Variants in AK8 observed in about 807,000 individuals in gnomAD.
AK8 encodes the protein adenylate kinase 8.
AK8 carries 44 observed loss-of-function variants against 54.6 expected under a neutral mutation model. The observed-to-expected ratio is 0.81, with a 90% CI of 0.63 to 1.04. The LOEUF (loss-of-function observed/expected upper bound fraction) is 1.04. Among genes scored for constraint, AK8 ranks in the 50% least tolerant of loss-of-function variants. The pLI is 0.00. For missense variants in AK8, 555 were observed against 613.6 expected (o/e 0.90, Z 1.01); for synonymous variants, 239 against 245.6 (o/e 0.97, Z 0.25).
chr9:132,812,558 G>GCGCCCACTGGGATGACGGGTGAGCCGCCA (rs1841102280), intron 10 of AK8, among the ~76,000 whole-genome samples: 1 of 140,998 alleles, frequency 7.1e-6, no homozygotes, highest in Non-Finnish European at 1.6e-5. Flanking sequence ...GTGAGCCGCC[G>GCGCCCACTGGGATGACGGGTGAGCCGCCA]CGCCCGGCCG....
rs535507754 is a variant in AK8, at chr9:132,839,891, C to T, written c.403-11165G>A. On this transcript the variant is annotated intron_variant, in intron 5 of 12. Transcript: ENST00000298545. ...AGAGTGCAGTGGCGCGATCTCGGCT[C>T]ACCGCAACCTCTGCCTCCCGGGTTC... Among the ~76,000 whole-genome samples the T allele has an allele frequency of 2.6e-5, 4 of 151,336 alleles. No homozygotes were observed. The East Asian group carries it at 7.8e-4, about 30-fold the overall frequency.
chr9:132,792,051 C>T (rs1010564756), intron 11 of AK8, among the ~76,000 whole-genome samples: 9 of 152,216 alleles, frequency 5.9e-5, no homozygotes, highest in African/African-American at 1.9e-4. Context: ...TCTGCCAAAA[C>T]GCCAAGCAAT....
At chr9:132,851,972 T>C (rs1220711496) in intron 5 of AK8, among the ~76,000 whole-genome samples, 1 of 152,098 alleles carries the variant, frequency 6.6e-6, no homozygotes, top group Admixed American at 6.5e-5. Flanking sequence ...AATTAGCGGA[T>C]GAAAACTCGA....
Position 132,826,830 on chromosome 9 carries a change from G to A in AK8, c.757+24C>T, listed in dbSNP as rs1393413227. On this transcript the variant is annotated intron_variant, in intron 8 of 12. Coordinates refer to ENST00000298545, the MANE Select transcript of AK8 (RefSeq NM_152572.3). This position sits in a 1 kb window ranked among gnomAD's most constrained non-coding sequence, Gnocchi z 4.5. ...CCCCGCCCTTGGCCGTCTGTCCAGG[G>A]TGGGGCTGCCTGCTTGTGTTTACCC... 6.2e-7 allele frequency: 1 copy of A among 1,612,562 alleles called. No homozygotes were observed. Among genetic ancestry groups the A allele is most frequent in the Admixed American group, 1.7e-5 (1 of 60,022 alleles).
rs1841240161 is a variant in AK8, at chr9:132,814,727, AC to A, written c.890-1del. On this transcript the variant is annotated splice_acceptor_variant, in intron 9 of 12. Coordinates refer to ENST00000298545, the MANE Select transcript of AK8 (RefSeq NM_152572.3). LOFTEE classifies it high-confidence loss of function. Reference sequence around the variant, plus strand: ...CTCTTTCAGCAGTTGCCCACAGCAGACTGAAGGAGAGGGGAACAGAAAGACA... The same window carrying A: ...CTCTTTCAGCAGTTGCCCACAGCAGATGAAGGAGAGGGGAACAGAAAGACA... 6.2e-7 allele frequency: 1 copy of A among 1,613,268 alleles called. No homozygotes were observed. Among genetic ancestry groups the A allele is most frequent in the African/African-American group, 1.3e-5 (1 of 74,836 alleles).
At chr9:132,821,889 A>G (rs920738370) in intron 9 of AK8, among the ~76,000 whole-genome samples, 10 of 158 alleles carry the variant, frequency 0.063, no homozygotes, top group African/African-American at 0.14. Context: ...AAATATATAC[A>G]TATATGTGTA....
intron 5 of AK8, among the ~76,000 whole-genome samples, chr9:132,829,758 G>A (rs577831992): frequency 9.6e-4 from 146 of 152,076 alleles, no homozygotes; most frequent in Non-Finnish European, 1.6e-3. Context: ...GTCTTGCTAC[G>A]TTGCCTAGGC....
At chr9:132,736,168 G>A (rs1431086885) in intron 11 of AK8, among the ~76,000 whole-genome samples, 3 of 149,894 alleles carry the variant, frequency 2.0e-5, no homozygotes, top group South Asian at 2.1e-4. Flanking sequence ...CTGTACATAC[G>A]ATGAAATACT....
intron 1 of AK8, chr9:132,877,863 C>T: frequency 3.2e-6 from 2 of 632,530 alleles, no homozygotes; most frequent in South Asian, 1.5e-5. Flanking sequence ...GTGGGGAAAC[C>T]GAGAAAAGGA....
At position 132,725,898 on chromosome 9, in the gene AK8, G is replaced by C; in HGVS notation, c.1230C>G (p.Pro410=). Residue 410 remains proline (P), a synonymous_variant, in exon 13 of 13, where the codon CCC becomes CCG. Transcript: ENST00000298545. ...ERYHLMYKPP[P]TMEIQARLLQ... is the part of the protein sequence containing the mutation. ...GGAGGCGAGCCTGGATCTCCATGGTGGGAGGTGGCTTGTACATGAGGTGGT... is the reference window on the plus strand; with the variant it reads ...GGAGGCGAGCCTGGATCTCCATGGTCGGAGGTGGCTTGTACATGAGGTGGT... 6.2e-7 allele frequency: 1 copy of C among 1,611,868 alleles called. No homozygotes were observed. Among genetic ancestry groups the C allele is most frequent in the South Asian group, 1.1e-5 (1 of 90,380 alleles).
intron 10 of AK8, among the ~76,000 whole-genome samples, chr9:132,814,274 G>T (rs1841211472): frequency 1.4e-5 from 1 of 73,502 alleles, no homozygotes; most frequent in Non-Finnish European, 2.4e-5. Flanking sequence ...TTGATACCCT[G>T]TCTCAAAAAA....
At chr9:132,813,599 G>A (rs1471972400) in intron 10 of AK8, among the ~76,000 whole-genome samples, 1 of 152,250 alleles carries the variant, frequency 6.6e-6, no homozygotes, top group Non-Finnish European at 1.5e-5. Context: ...GGAGGAAGGT[G>A]TGGGTGCGTG....
intron 5 of AK8, among the ~76,000 whole-genome samples, chr9:132,846,547 GAAT>G (rs1046060181): frequency 2.2e-5 from 3 of 137,204 alleles, no homozygotes; most frequent in Non-Finnish European, 3.2e-5. Context: ...ATGAATGAAT[GAAT>G]GAGTACTTTT....
intron 1 of AK8, 122 bp from the exon 2 acceptor site, chr9:132,875,321 A>C (rs1381581389): frequency 6.7e-7 from 1 of 1,489,548 alleles, no homozygotes. Flanking sequence ...TCAACCTGGG[A>C]CCCAGCCACC....
chr9:132,759,644 AT>A (rs1838358610), intron 11 of AK8, among the ~76,000 whole-genome samples: 1 of 152,004 alleles, frequency 6.6e-6, no homozygotes, highest in Non-Finnish European at 1.5e-5. Context: ...GTCGAAGGTA[AT>A]TTTTTCCCAC....
intron 12 of AK8, 115 bp downstream of exon 12, chr9:132,727,339 C>T: frequency 3.2e-6 from 3 of 939,704 alleles, no homozygotes; most frequent in Non-Finnish European, 5.1e-6. Flanking sequence ...GATAATCGTC[C>T]TTCAGTGGTC....
intron 11 of AK8, among the ~76,000 whole-genome samples, chr9:132,763,905 A>G (rs1241782495): frequency 2.0e-5 from 3 of 152,258 alleles, no homozygotes; most frequent in Admixed American, 1.3e-4. Context: ...ACCAACATCA[A>G]AAAAAGTAGG....
In AK8 at chr9:132,826,224, G is replaced by A. The variant is rs1313271914; in HGVS notation, c.757+630C>T. 1.3e-5 allele frequency among the ~76,000 whole-genome samples: 2 copies of A among 152,178 alleles called. No homozygotes were observed. The highest frequency in any genetic ancestry group is 4.8e-5 in the African/African-American group (2 of 41,428). On this transcript the variant is annotated intron_variant, in intron 8 of 12. Coordinates refer to ENST00000298545, the MANE Select transcript of AK8 (RefSeq NM_152572.3). This position sits in a 1 kb window ranked among gnomAD's most constrained non-coding sequence, Gnocchi z 4.5. ...CAAAACTAGGGCTCCGAGGAGTTAG[G>A]AGAAGTGCCAGAGGCTGCACAGCTG... is the stretch of plus-strand genomic sequence containing the variant.
intron 4 of AK8, among the ~76,000 whole-genome samples, chr9:132,855,674 T>G (rs912800865): frequency 2.0e-5 from 3 of 152,170 alleles, no homozygotes; most frequent in African/African-American, 7.2e-5. Flanking sequence ...AACTTCAAAT[T>G]CCTTGATGCA....
Sources: allele counts gnomAD v4.1 joint callset (sites outside exome capture counted in the v4.1 genomes callset), GRCh38; gene constraint gnomAD v4.1.1; non-coding constraint Gnocchi (gnomAD v3.1); transcripts MANE v1.5; gene names NCBI Gene and HGNC (gene_info 2026-07-23, HGNC 2026-07-21).